Variants in SYT7 observed in about 807,000 individuals in gnomAD.
SYT7 encodes synaptotagmin-7.
A neutral mutation model predicts 75.1 loss-of-function variants in SYT7; 29 were observed. The ratio of observed to expected loss-of-function variants is 0.39; its 90% confidence interval spans 0.29 to 0.53. The LOEUF (loss-of-function observed/expected upper bound fraction) is 0.53. Among genes scored for constraint, SYT7 ranks in the 20% least tolerant of loss-of-function variants. The pLI is 0.77. For synonymous variants in SYT7, 376 were observed against 401.7 expected, an observed-to-expected ratio of 0.94 and a Z score of 0.76; for missense variants, 693 against 953.2, an observed-to-expected ratio of 0.73 and a Z score of 3.59.
intron 1 of SYT7, among the ~76,000 whole-genome samples, chr11:61,571,982 G>A (rs181286661): frequency 5.6e-4 from 85 of 152,264 alleles, no homozygotes; most frequent in South Asian, 2.1e-4. Flanking sequence ...CCCTATCCCC[G>A]GTCCCTGCTC....
Position 61,542,672 on chromosome 11 carries a change from C to T in SYT7, c.573-93G>A, listed in dbSNP as rs2063077870. On this transcript the variant is annotated intron_variant, in intron 5 of 12. Transcript: ENST00000539008. This position sits in a 1 kb window ranked among gnomAD's most constrained non-coding sequence, Gnocchi z 7.8. Reference sequence around the variant, plus strand: ...AGCCGAGGGCCAGGACTAGGAGGCCCCAGTGCAGGGTGCGCGCTGCCGGAC... The same window carrying T: ...AGCCGAGGGCCAGGACTAGGAGGCCTCAGTGCAGGGTGCGCGCTGCCGGAC... 2.1e-6 allele frequency: 3 copies of T among 1,415,768 alleles called. No homozygotes were observed. The highest frequency in any genetic ancestry group is 2.8e-6 in the Non-Finnish European group (3 of 1,090,408). The allele number at this position is 1,415,768 out of a possible 1,614,324, so 87.7% of individuals were successfully genotyped here.
chr11:61,533,484 T>G (rs976771293), intron 7 of SYT7: 1 of 985,382 alleles, frequency 1.0e-6, no homozygotes, highest in African/African-American at 1.7e-5. Context: ...GCTTGTTCTA[T>G]CCCATCCGCC....
chr11:61,527,933 C>T lies in SYT7; in HGVS notation c.1453G>A (p.Glu485Lys). The T allele has an allele frequency of 1.2e-6, 2 of 1,614,104 alleles. No individual in the cohort carries two copies. Among genetic ancestry groups the T allele is most frequent in the Non-Finnish European group, 1.7e-6 (2 of 1,180,014 alleles). Reference sequence around the variant, plus strand: ...GACTCACCTTCAAAGAGGAAGGTCTCGTTCCAGTGGGGGTTCAGGTTCTTC... The same window carrying T: ...GACTCACCTTCAAAGAGGAAGGTCTTGTTCCAGTGGGGGTTCAGGTTCTTC... ...KRKNLNPHWN[E>K]TFLFEGFPYE... Residue 485 changes from glutamate to lysine, a missense_variant, in exon 9 of 13, where the codon GAG becomes AAG. Transcript: ENST00000539008.
Position 61,524,355 on chromosome 11 carries a change from G to T in SYT7, c.1641+8C>A, listed in dbSNP as rs758221315. 10 of 1,613,696 alleles carry T rather than the reference G, an allele frequency of 6.2e-6. No homozygotes were observed. The East Asian group carries it at 2.2e-4, about 36-fold the overall frequency. Reference sequence around the variant, plus strand: ...CTGTCCAGCTAAGACCCACCCATGGGGCCTTACACTCCCATCGCTGCATGG... The same window carrying T: ...CTGTCCAGCTAAGACCCACCCATGGTGCCTTACACTCCCATCGCTGCATGG... On this transcript the variant is annotated splice_region_variant and intron_variant, in intron 10 of 12. Transcript: ENST00000539008. The surrounding 1 kb of genome is among the most constrained non-coding windows in gnomAD (Gnocchi z 4.1).
At chr11:61,577,230 C>A (rs2064108728) in intron 1 of SYT7, among the ~76,000 whole-genome samples, 1 of 152,244 alleles carries the variant, frequency 6.6e-6, no homozygotes, top group African/African-American at 2.4e-5. Flanking sequence ...ATCATCCTCA[C>A]CCCCTCTGGG....
At chr11:61,537,744 C>A (rs1430647151) in intron 7 of SYT7, among the ~76,000 whole-genome samples, 2 of 151,428 alleles carry the variant, frequency 1.3e-5, no homozygotes, top group Non-Finnish European at 3.0e-5. Flanking sequence ...CGGGCTGGCG[C>A]CCCTTCCCTT....
At chr11:61,522,187 CTTT>C (rs60616538) in intron 12 of SYT7, among the ~76,000 whole-genome samples, 22 of 114,246 alleles carry the variant, frequency 1.9e-4, no homozygotes, top group Middle Eastern at 4.9e-3. Context: ...GAAGAGATCA[CTTT>C]TTTTTTTTTT....
At chr11:61,521,851 C>G (rs1230587885) in intron 12 of SYT7, among the ~76,000 whole-genome samples, 1 of 152,230 alleles carries the variant, frequency 6.6e-6, no homozygotes, top group Non-Finnish European at 1.5e-5. Flanking sequence ...CCTTTATTAT[C>G]ATACTAGCTA....
chr11:61,533,397 C>T, intron 7 of SYT7: 1 of 985,382 alleles, frequency 1.0e-6, no homozygotes, highest in Non-Finnish European at 1.2e-6. Flanking sequence ...CTTCCTGTTC[C>T]CCAGAAACCC....
At chr11:61,566,269 C>T (rs1020779518) in intron 1 of SYT7, among the ~76,000 whole-genome samples, 17 of 152,154 alleles carry the variant, frequency 1.1e-4, no homozygotes, top group African/African-American at 4.1e-4. Flanking sequence ...TGCTCAGTGA[C>T]CCCCTCACCT....
intron 3 of SYT7, among the ~76,000 whole-genome samples, chr11:61,550,333 G>C (rs974707495): frequency 6.6e-5 from 10 of 152,294 alleles, no homozygotes; most frequent in Non-Finnish European, 1.2e-4. Context: ...GGTGGAGGGT[G>C]GGGGAGGAGT....
chr11:61,573,100 G>A (rs923533916), intron 1 of SYT7, among the ~76,000 whole-genome samples: 2 of 152,254 alleles, frequency 1.3e-5, no homozygotes, highest in Non-Finnish European at 2.9e-5. Context: ...AGTTGCCATG[G>A]AGACAGGTTG....
At position 61,523,024 on chromosome 11, in the gene SYT7, G is replaced by A. The variant is rs764775977; in HGVS notation, c.1956+51C>T. On this transcript the variant is annotated intron_variant, in intron 12 of 12. Coordinates refer to ENST00000539008, the MANE Select transcript of SYT7 (RefSeq NM_001365809.2). The surrounding 1 kb of genome is among the most constrained non-coding windows in gnomAD (Gnocchi z 5.0). ...ACCCCCGCTGCTTCTTTTAAGGAAC[G>A]GAGCCTCACTGGTGCCAGCAGGTGC... 2.5e-6 allele frequency: 4 copies of A among 1,596,398 alleles called. No homozygotes were observed. Among genetic ancestry groups the A allele is most frequent in the African/African-American group, 1.3e-5 (1 of 74,528 alleles).
At chr11:61,530,318 C>T (rs1391117498) in intron 8 of SYT7, among the ~76,000 whole-genome samples, 2 of 152,336 alleles carry the variant, frequency 1.3e-5, no homozygotes, top group East Asian at 3.9e-4. Context: ...TCCCTCCAGC[C>T]CCCACCCCTT....
At chr11:61,525,544 AC>A (rs934396953) in intron 9 of SYT7, among the ~76,000 whole-genome samples, 2 of 151,844 alleles carry the variant, frequency 1.3e-5, no homozygotes, top group African/African-American at 4.8e-5. Context: ...CTTTCCTGGC[AC>A]CCCAGAGAGT....
chr11:61,571,810 A>G (rs2063929155), intron 1 of SYT7, among the ~76,000 whole-genome samples: 1 of 152,164 alleles, frequency 6.6e-6, no homozygotes, highest in Non-Finnish European at 1.5e-5. Flanking sequence ...TCTGAGTGCC[A>G]GAGCTGAGCT....
chr11:61,540,707 G>T (rs939869027), intron 6 of SYT7: 2 of 985,514 alleles, frequency 2.0e-6, no homozygotes, highest in Non-Finnish European at 2.4e-6. Context: ...TGCTGGAACA[G>T]GAAGTAGGGT....
chr11:61,566,102 C>T (rs2063759668), intron 1 of SYT7, among the ~76,000 whole-genome samples: 1 of 152,268 alleles, frequency 6.6e-6, no homozygotes, highest in Non-Finnish European at 1.5e-5. Flanking sequence ...AGGACCTTGT[C>T]CATGCCTTCC....
At position 61,542,189 on chromosome 11, in the gene SYT7, C is replaced by A; in HGVS notation, c.941+22G>T. On this transcript the variant is annotated intron_variant, in intron 6 of 12. Coordinates refer to ENST00000539008, the MANE Select transcript of SYT7 (RefSeq NM_001365809.2). The surrounding 1 kb of genome is among the most constrained non-coding windows in gnomAD (Gnocchi z 7.8). Reference sequence around the variant, plus strand: ...GCTGGGTCAGGGAGGTGGGGGCCGGCCCGCTCAAGGGGAGGACTTACAGGA... The same window carrying A: ...GCTGGGTCAGGGAGGTGGGGGCCGGACCGCTCAAGGGGAGGACTTACAGGA... 1 of 1,528,668 alleles carries A rather than the reference C, an allele frequency of 6.5e-7. No homozygotes were observed. The highest frequency in any genetic ancestry group is 8.7e-7 in the Non-Finnish European group (1 of 1,143,562). The allele number at this position is 1,528,668 out of a possible 1,614,324, so 94.7% of individuals were successfully genotyped here.
Sources: allele counts gnomAD v4.1 joint callset (sites outside exome capture counted in the v4.1 genomes callset), GRCh38; gene constraint gnomAD v4.1.1; non-coding constraint Gnocchi (gnomAD v3.1); transcripts MANE v1.5; gene names NCBI Gene and HGNC (gene_info 2026-07-23, HGNC 2026-07-21).